SPMAP1: variants seen among roughly 807,000 people sequenced by gnomAD.
SPMAP1 encodes the protein sperm microtubule associated protein 1.
chr17:38,840,612 C>A, the SPMAP1 span, among the ~76,000 whole-genome samples: 1 of 105,222 alleles, frequency 9.5e-6, no homozygotes, highest in Non-Finnish European at 1.8e-5. Context: ...GAGACCCCCT[C>A]TCTACAAAAA....
chr17:38,838,210 A>G, the SPMAP1 span, among the ~76,000 whole-genome samples: 6 of 151,954 alleles, frequency 3.9e-5, no homozygotes, highest in Admixed American at 1.3e-4. Context: ...GATTTTGTTC[A>G]GATAAAGGGC....
the SPMAP1 span, among the ~76,000 whole-genome samples, chr17:38,839,432 C>T: frequency 6.9e-6 from 1 of 144,352 alleles, no homozygotes; most frequent in Non-Finnish European, 1.5e-5. Flanking sequence ...TATGCCACTG[C>T]ACTCCAGCCA....
At chr17:38,837,334 T>C in the SPMAP1 span, 21 of 834,120 alleles carry the variant, frequency 2.5e-5, no homozygotes, top group East Asian at 2.4e-4. Flanking sequence ...GCTGTGGGGA[T>C]AGGGAAGAGG....
At chr17:38,837,268 A>G in the SPMAP1 span, 2 of 1,490,828 alleles carry the variant, frequency 1.3e-6, no homozygotes, top group Non-Finnish European at 1.9e-6. Context: ...AAAGTGGGCA[A>G]GAACACTGTC....
chr17:38,840,565 G>C, the SPMAP1 span, among the ~76,000 whole-genome samples: 2 of 133,818 alleles, frequency 1.5e-5, no homozygotes, highest in Admixed American at 1.7e-4. Context: ...AGGATAGCGT[G>C]AGCCCAGGAG....
chr17:38,836,235 C>G, the SPMAP1 span, among the ~76,000 whole-genome samples: 1 of 151,960 alleles, frequency 6.6e-6, no homozygotes, highest in Admixed American at 6.6e-5. Context: ...ACTATTAATC[C>G]CAGCTCAGCC....
At chr17:38,835,233 T>C in the SPMAP1 span, 1 of 1,614,228 alleles carries the variant, frequency 6.2e-7, no homozygotes, top group Non-Finnish European at 8.5e-7. Flanking sequence ...ACGGACGTGC[T>C]CTGACGGAGG....
At chr17:38,841,303 A>G in the SPMAP1 span, 1 of 1,614,216 alleles carries the variant, frequency 6.2e-7, no homozygotes, top group Non-Finnish European at 8.5e-7. Flanking sequence ...TAGAGCGCCC[A>G]TAAGCGCGGG....
the SPMAP1 span, among the ~76,000 whole-genome samples, chr17:38,840,368 C>T: frequency 1.3e-5 from 2 of 152,094 alleles, no homozygotes; most frequent in African/African-American, 4.8e-5. Flanking sequence ...GACAAAGACA[C>T]CGACTGGTTT....
the SPMAP1 span, among the ~76,000 whole-genome samples, chr17:38,838,837 C>T: frequency 2.6e-5 from 4 of 151,990 alleles, no homozygotes; most frequent in African/African-American, 9.7e-5. Context: ...GTAATCCCAG[C>T]ACTTTGGGAG....
At chr17:38,839,486 A>T in the SPMAP1 span, among the ~76,000 whole-genome samples, 69 of 150,642 alleles carry the variant, frequency 4.6e-4, 1 homozygote, top group East Asian at 0.012. Flanking sequence ...AAAAAAAGAA[A>T]AGAAAAGAAA....
the SPMAP1 span, chr17:38,841,104 G>T: frequency 1.0e-6 from 1 of 1,004,768 alleles, no homozygotes; most frequent in Non-Finnish European, 1.5e-6. Context: ...AGGTGAAAGT[G>T]GCGGAGCCTT....
chr17:38,840,617 CAAAAAAAAAAAAAAAAAAAAAAAA>C, the SPMAP1 span, among the ~76,000 whole-genome samples: 8 of 48,696 alleles, frequency 1.6e-4, no homozygotes, highest in Admixed American at 1.8e-3. Flanking sequence ...CCCCTCTCTA[CAAAAAAAAAAAAAAAAAAAAAAAA>C]AAAAAAAAAA....
the SPMAP1 span, among the ~76,000 whole-genome samples, chr17:38,837,935 C>T: frequency 6.6e-6 from 1 of 152,156 alleles, no homozygotes; most frequent in East Asian, 1.9e-4. Flanking sequence ...GTCACCCAGA[C>T]TGGAGTGCAG....
the SPMAP1 span, chr17:38,837,019 A>T: frequency 1.4e-6 from 1 of 730,846 alleles, no homozygotes; most frequent in Non-Finnish European, 2.5e-6. Context: ...GCACTGTGGC[A>T]CCATCTGCTC....
the SPMAP1 span, among the ~76,000 whole-genome samples, chr17:38,839,859 T>C: frequency 6.6e-6 from 1 of 151,622 alleles, no homozygotes; most frequent in Non-Finnish European, 1.5e-5. Context: ...TGTATGTCCA[T>C]ATACATGCAC....
the SPMAP1 span, among the ~76,000 whole-genome samples, chr17:38,838,130 G>A: frequency 3.9e-5 from 6 of 152,050 alleles, no homozygotes; most frequent in African/African-American, 9.6e-5. Context: ...TGATCCACCC[G>A]CCTCGGCCTC....
chr17:38,836,385 G>C, the SPMAP1 span, among the ~76,000 whole-genome samples: 2 of 151,952 alleles, frequency 1.3e-5, no homozygotes, highest in South Asian at 4.2e-4. Context: ...AGGATCACTT[G>C]AGCCTAGGAG....
chr17:38,835,997 C>T, the SPMAP1 span, among the ~76,000 whole-genome samples: 2 of 152,112 alleles, frequency 1.3e-5, no homozygotes, highest in Admixed American at 1.3e-4. Flanking sequence ...TCACTGCAAC[C>T]TCTGCCTCCC....
Sources: gnomAD v4.1 joint callset for allele counts (sites outside exome capture counted in the v4.1 genomes callset) on GRCh38, gnomAD v4.1.1 for gene constraint, MANE v1.5 for transcripts, NCBI Gene and HGNC (gene_info 2026-07-23, HGNC 2026-07-21) for gene names.